The following DNASE1 variants were observed in gnomAD, a reference collection of about 807,000 sequenced individuals.
DNASE1 encodes the protein deoxyribonuclease 1, also known as deoxyribonuclease-1.
Under a neutral mutation model 33.9 loss-of-function variants are expected in DNASE1, and 40 were observed. The ratio of observed to expected loss-of-function variants is 1.18; its 90% CI spans 0.92 to 1.54. The LOEUF is 1.54. Ranked by LOEUF, DNASE1 falls within the 40% of genes most tolerant of loss-of-function variation. The pLI is 0.00. For missense variants in DNASE1, 518 were observed against 372.6 expected, an observed-to-expected ratio of 1.39 and a Z score of -3.21; for synonymous variants, 216 against 160.0, an observed-to-expected ratio of 1.35 and a Z score of -2.64.
chr16:3,622,442 T>C (rs1421841741), intron 1 of DNASE1, among the ~76,000 whole-genome samples: 1 of 152,188 alleles, frequency 6.6e-6, no homozygotes, highest in Non-Finnish European at 1.5e-5. Flanking sequence ...TATGACCTTA[T>C]GTTTGTGGGC....
At chr16:3,663,563 C>A (rs1410355261) in exon 10 of DNASE1, 1 of 1,613,754 alleles carries the variant, frequency 6.2e-7, no homozygotes, top group Non-Finnish European at 8.5e-7. Context: ...AGAAGAGAAC[C>A]TGCAGGTGGC....
chr16:3,631,482 G>A (rs1378534579), intron 1 of DNASE1, among the ~76,000 whole-genome samples: 3 of 151,844 alleles, frequency 2.0e-5, no homozygotes, highest in Middle Eastern at 3.4e-3. Context: ...TGAGATTACA[G>A]GTGTGAGCCA....
exon 10 of DNASE1, chr16:3,664,407 TGCCCGGAG>T: frequency 6.2e-7 from 1 of 1,611,340 alleles, no homozygotes. Flanking sequence ...GCTGGTTAGC[TGCCCGGAG>T]GGCAGCGCCG....
intron 1 of DNASE1, among the ~76,000 whole-genome samples, chr16:3,619,590 G>T (rs1281455390): frequency 3.5e-5 from 5 of 144,540 alleles, no homozygotes; most frequent in East Asian, 4.3e-4. Context: ...CTCTATCTGC[G>T]GACCTTGTGA....
chr16:3,648,535 G>C (rs564082094), intron 1 of DNASE1, among the ~76,000 whole-genome samples: 3 of 152,236 alleles, frequency 2.0e-5, no homozygotes, highest in African/African-American at 7.2e-5. Flanking sequence ...GGCGAAGCTC[G>C]CGTGAACCCC....
Position 3,657,128 on chromosome 16 carries a change from G to T in DNASE1, c.549+17G>T, listed in dbSNP as rs770253517. ...GGCTTGGAGGTGAGGCCCTCCCAGGGGCAGTGGGCACCAGCGGCCTCCGCA... is the reference window on the plus strand; with the variant it reads ...GGCTTGGAGGTGAGGCCCTCCCAGGTGCAGTGGGCACCAGCGGCCTCCGCA... On this transcript the variant is annotated intron_variant, in intron 6 of 8. Transcript: ENST00000246949. 2 of 1,614,132 alleles carry T rather than the reference G, an allele frequency of 1.2e-6. No homozygotes were observed. Among genetic ancestry groups the T allele is most frequent in the South Asian group, 1.1e-5 (1 of 91,082 alleles).
rs530214101 is a variant in DNASE1, at chr16:3,656,657, G to A, written c.340G>A (p.Val114Met). ...CCGCAGGCCTGACCAGGTGTCTGCG[G>A]TGGACAGCTACTACTACGATGATGG... ...FVYRPDQVSA[V>M]DSYYYDDGCE... Residue 114 changes from valine to methionine, a missense_variant, in exon 5 of 9, where the codon GTG becomes ATG. Physicochemically the swap from Val to Met is conservative, Grantham distance 21. Transcript: ENST00000246949. 1.6e-5 allele frequency: 25 copies of A among 1,612,612 alleles called. No homozygotes were observed. In the East Asian group the frequency reaches 5.6e-4, roughly 36 times the overall value.
At chr16:3,617,326 C>CAAAAAAAAAAAAAAAAAAAAAAAAA (rs56670885) in intron 1 of DNASE1, among the ~76,000 whole-genome samples, 18 of 57,712 alleles carry the variant, frequency 3.1e-4, no homozygotes, top group African/African-American at 8.5e-4. Flanking sequence ...AACTCCATCT[C>CAAAAAAAAAAAAAAAAAAAAAAAAA]AAAAAAAAAA....
rs983700055 is a variant in DNASE1, at chr16:3,632,582, C to G, written c.-1358-8133C>G. On this transcript the variant is annotated intron_variant and NMD_transcript_variant, in intron 1 of 11. Coordinates refer to the DNASE1 transcript ENST00000570769. ...TCTTTTTCCATCTCTTTAATTTTTT[C>G]TCTCTTTTTTTTTTTTTTAAAGACG... 5.4e-5 allele frequency among the ~76,000 whole-genome samples: 8 copies of G among 148,828 alleles called. No homozygotes were observed. In the South Asian group the frequency reaches 1.7e-3, roughly 32 times the overall value.
intron 1 of DNASE1, among the ~76,000 whole-genome samples, chr16:3,636,830 GA>G (rs564744420): frequency 1.4e-5 from 2 of 146,674 alleles, no homozygotes; most frequent in Admixed American, 6.8e-5. Context: ...GGGAAAAAAA[GA>G]AAAAAAAACA....
At position 3,657,333 on chromosome 16, in the gene DNASE1, C is replaced by A. The variant is rs777285116; in HGVS notation, c.696C>A (p.Ala232=). The part of the protein sequence containing the change: ...ADTTATPTHC[A]YDRIVVAGML... ...CCACAGCTACACCCACGCACTGTGCCTATGACAGGTGAGCAGGGCCTCGCG... is the reference window on the plus strand; with the variant it reads ...CCACAGCTACACCCACGCACTGTGCATATGACAGGTGAGCAGGGCCTCGCG... The change falls in exon 7 of 9, where the codon GCC becomes GCA. Residue 232 remains alanine (A), a synonymous_variant. Transcript: ENST00000246949. 2 of 1,613,308 alleles carry A rather than the reference C, an allele frequency of 1.2e-6. No homozygotes were observed. The highest frequency in any genetic ancestry group is 2.2e-5 in the South Asian group (2 of 91,088).
At chr16:3,628,035 T>C (rs1014948651) in intron 1 of DNASE1, among the ~76,000 whole-genome samples, 57 of 152,040 alleles carry the variant, frequency 3.7e-4, no homozygotes, top group African/African-American at 1.3e-3. Context: ...CTTAACAATA[T>C]TAAGATATCT....
rs1189489971 is a variant in DNASE1, at chr16:3,657,826, C to G, written c.801+10C>G. The G allele has an allele frequency of 6.2e-7, 1 of 1,613,804 alleles. No homozygotes were observed. Among genetic ancestry groups the G allele is most frequent in the African/African-American group, 1.3e-5 (1 of 74,904 alleles). On this transcript the variant is annotated intron_variant, in intron 8 of 8. Transcript: ENST00000246949. The stretch of plus-strand genomic sequence containing the variant: ...CCTGAGTGACCAACTGGTATGTGTC[C>G]TCCCTTGCACAGCCACATGAGGATG...
chr16:3,657,840 C>CACATGA (rs759049983), intron 8 of DNASE1, 24 bp downstream of exon 8: 2 of 1,614,010 alleles, frequency 1.2e-6, no homozygotes, highest in Non-Finnish European at 1.7e-6. Context: ...CTTGCACAGC[C>CACATGA]ACATGAGGAT....
At chr16:3,643,605 GCA>G (rs950528684) in intron 1 of DNASE1, among the ~76,000 whole-genome samples, 13 of 152,314 alleles carry the variant, frequency 8.5e-5, no homozygotes, top group African/African-American at 3.1e-4. Context: ...CTTCTGTCAC[GCA>G]CAGTCCCTGA....
upstream of DNASE1, among the ~76,000 whole-genome samples, chr16:3,642,170 C>T (rs138950625): frequency 5.9e-5 from 9 of 152,304 alleles, no homozygotes; most frequent in African/African-American, 2.2e-4. Context: ...TGCCCAACAG[C>T]TCTCAGCCTT....
At chr16:3,658,592 G>A, downstream of DNASE1, 1 of 594,088 alleles carries the variant, frequency 1.7e-6, no homozygotes, top group South Asian at 2.1e-5. Context: ...GGAATTGCTT[G>A]AACCCGGGAG....
At chr16:3,659,043 G>GAGA (rs2042907503), downstream of DNASE1, 2 of 624,276 alleles carry the variant, frequency 3.2e-6, no homozygotes. Flanking sequence ...GAAAACCCAA[G>GAGA]AGAATCAGGA....
chr16:3,650,012 C>G (rs757512702), upstream of DNASE1, among the ~76,000 whole-genome samples: 8 of 152,012 alleles, frequency 5.3e-5, no homozygotes, highest in South Asian at 4.1e-4. Flanking sequence ...ATAAAATGAC[C>G]CGCCTGAGAA....
Sources: gnomAD v4.1 joint callset for allele counts (sites outside exome capture counted in the v4.1 genomes callset) on GRCh38, gnomAD v4.1.1 for gene constraint, MANE v1.5 for transcripts, NCBI Gene and HGNC (gene_info 2026-07-23, HGNC 2026-07-21) for gene names.